The following L1CAM variants were observed in gnomAD, a reference collection of about 807,000 sequenced individuals.
L1CAM encodes the protein neural cell adhesion molecule L1.
Under a neutral mutation model 93.0 loss-of-function variants are expected in L1CAM, and 8 were observed. The ratio of observed to expected loss-of-function variants is 0.09; its 90% CI spans 0.05 to 0.16. The LOEUF is 0.16. Ranked by LOEUF, L1CAM falls within the 10% of genes least tolerant of loss-of-function variation. The pLI is 1.00. For synonymous variants in L1CAM, 453 were observed against 453.0 expected (o/e 1.00, Z 0.00); for missense variants, 777 against 1,073.4 (o/e 0.72, Z 3.86).
chrX:153,885,564 G>C (rs1482826519), intron 1 of L1CAM: 1 of 346,149 alleles, frequency 2.9e-6, no homozygotes, highest in East Asian at 1.1e-4. Context: ...TTGCAGGGGC[G>C]GCTTATCCCG....
chrX:153,871,232 C>T, intron 5 of L1CAM, 53 bp from the exon 6 acceptor site: 1 of 1,078,640 alleles, frequency 9.3e-7, no homozygotes, highest in Non-Finnish European at 1.3e-6. Flanking sequence ...TGGTGCTAGG[C>T]AGGAGAAGGG....
At chrX:153,865,954 G>T in intron 19 of L1CAM, 135 bp from the exon 20 acceptor site, 1 of 502,463 alleles carries the variant, frequency 2.0e-6, no homozygotes, top group Non-Finnish European at 3.6e-6. Flanking sequence ...AGGTGTGTTT[G>T]CATGGTCTCA....
At chrX:153,868,168 C>G (rs1254005904) in intron 14 of L1CAM, 46 bp from the exon 15 acceptor site, 1 of 1,203,113 alleles carries the variant, frequency 8.3e-7, no homozygotes, top group African/African-American at 1.8e-5. Flanking sequence ...GGGCTCTTCT[C>G]CCCTCCCATC....
chrX:153,866,327 AG>A (rs1336883178), intron 19 of L1CAM, among the ~76,000 whole-genome samples: 2 of 107,340 alleles, frequency 1.9e-5, no homozygotes, highest in Non-Finnish European at 1.9e-5. Context: ...AAAAAAAAAA[AG>A]AAAGAAAAGA....
chrX:153,864,711 G>T lies in L1CAM; in HGVS notation c.3047-7C>A, dbSNP rs199970055. 155 of 1,210,959 alleles carry T rather than the reference G, an allele frequency of 1.3e-4. No individual in the cohort carries two copies. The highest frequency in any genetic ancestry group is 4.5e-6 in the Non-Finnish European group (4 of 895,294). On this transcript the variant is annotated splice_region_variant and splice_polypyrimidine_tract_variant and intron_variant, in intron 23 of 28. Coordinates refer to ENST00000370060, the MANE Select transcript of L1CAM (RefSeq NM_001278116.2). Reference sequence around the variant, plus strand: ...TTGCCAAAATCTGAGATCCCTGGGGGGATGCAGGGGAACGAGGAGAGTGTG... The same window carrying T: ...TTGCCAAAATCTGAGATCCCTGGGGTGATGCAGGGGAACGAGGAGAGTGTG...
chrX:153,864,492 G>A lies in L1CAM; in HGVS notation c.3167-15C>T, dbSNP rs782614070. 8.3e-7 allele frequency: 1 copy of A among 1,209,993 alleles called. No individual in the cohort carries two copies. Among genetic ancestry groups the A allele is most frequent in the South Asian group, 1.8e-5 (1 of 56,842 alleles). ...ACCCTTCTCTTCTGCCAGGGAGAGA[G>A]GGTGGCAGCAGGGGTGAGTCGGAGT... is the stretch of plus-strand genomic sequence containing the variant. On this transcript the variant is annotated splice_polypyrimidine_tract_variant and intron_variant, in intron 24 of 28. Coordinates refer to ENST00000370060, the MANE Select transcript of L1CAM (RefSeq NM_001278116.2).
chrX:153,864,121 G>A, intron 25 of L1CAM, 104 bp from the exon 26 acceptor site: 1 of 1,123,230 alleles, frequency 8.9e-7, no homozygotes. Flanking sequence ...GGGCTAAGGA[G>A]TGACAGGGAC....
rs566850228 is a variant in L1CAM, at chrX:153,876,532, A to G, written c.-108-588T>C. 37 of 118,801 alleles carry G rather than the reference A, an allele frequency of 3.1e-4. 1 individual carries two copies. The South Asian group carries it at 0.011, about 37-fold the overall frequency. 9.8% of individuals were successfully genotyped at this position (118,801 alleles called of 1,213,427 possible). A position where few individuals can be genotyped will look rare whatever the true frequency, so the allele number is the denominator to read the frequency against. On this transcript the variant is annotated intron_variant, in intron 1 of 28. Coordinates refer to ENST00000370060, the MANE Select transcript of L1CAM (RefSeq NM_001278116.2). ...TCTCTGTGTGCACACACATGTAGAG[A>G]AGAATTCTTCTTGCAGTCACATTGC... is the stretch of plus-strand genomic sequence containing the variant.
Position 153,863,983 on chromosome X carries a change from A to G in L1CAM, c.3357T>C (p.Thr1119=). ...TCACAAAGCCGATGAACCAGCCCTC[A>G]GTGGCGAAGCCAGCAGGAGGGAGCC... The part of the protein sequence containing the change: ...RVRLPPAGFA[T]EGWFIGFVSA... Residue 1119 remains threonine (T), a synonymous_variant, in exon 26 of 29, where the codon ACT becomes ACC. Coordinates refer to ENST00000370060, the MANE Select transcript of L1CAM (RefSeq NM_001278116.2). 1 of 1,212,353 alleles carries G rather than the reference A, an allele frequency of 8.2e-7. No homozygotes were observed. Among genetic ancestry groups the G allele is most frequent in the Non-Finnish European group, 1.1e-6 (1 of 895,536 alleles).
chrX:153,869,202 T>C (rs1383731140), intron 11 of L1CAM: 2 of 446,779 alleles, frequency 4.5e-6, no homozygotes, highest in Non-Finnish European at 7.8e-6. Context: ...CAGTCACCTC[T>C]CCCCAGAAGC....
chrX:153,876,218 A>G, intron 1 of L1CAM: 1 of 405,201 alleles, frequency 2.5e-6, no homozygotes. Context: ...CTGCCTTCCC[A>G]GCACCAACTT....
Position 153,872,197 on chromosome X carries a change from T to C in L1CAM, c.355A>G (p.Lys119Glu). ...QGIYRCFASN[K>E]LGTAMSHEIR... The stretch of plus-strand genomic sequence containing the variant: ...TCATGGGACATGGCGGTGCCCAGCT[T>C]ATTGCTGGCAAAGCAGCGGTAGATG... Residue 119 changes from lysine to glutamate, a missense_variant, in exon 5 of 29, where the codon AAG (lysine) becomes GAG (glutamate). Lys to Glu is a moderately conservative substitution (Grantham distance 56). Transcript: ENST00000370060. 2 of 1,209,041 alleles carry C rather than the reference T, an allele frequency of 1.7e-6. No homozygotes were observed. The highest frequency in any genetic ancestry group is 2.2e-6 in the Non-Finnish European group (2 of 894,330).
At chrX:153,871,947 G>T (rs917837035) in intron 5 of L1CAM, among the ~76,000 whole-genome samples, 11 of 105,113 alleles carry the variant, frequency 1.0e-4, no homozygotes, top group African/African-American at 3.1e-4. Context: ...TGAGATGACC[G>T]GAAGTGCAAT....
chrX:153,871,665 C>T (rs2064771038), intron 5 of L1CAM, among the ~76,000 whole-genome samples: 1 of 110,945 alleles, frequency 9.0e-6, no homozygotes, highest in African/African-American at 3.3e-5. Context: ...AGGGAAAACC[C>T]CAGGGAAAAG....
intron 1 of L1CAM, chrX:153,883,888 G>A (rs2064861467): frequency 8.8e-6 from 3 of 341,500 alleles, no homozygotes; most frequent in South Asian, 7.8e-5. Flanking sequence ...AGGGAACTTG[G>A]TGATCAAGGT....
At chrX:153,866,267 C>T (rs1156697714) in intron 19 of L1CAM, among the ~76,000 whole-genome samples, 2 of 102,643 alleles carry the variant, frequency 1.9e-5, no homozygotes, top group African/African-American at 3.6e-5. Flanking sequence ...GAGCCAAGAC[C>T]GCTCCACTGC....
intron 5 of L1CAM, among the ~76,000 whole-genome samples, 198 bp downstream of exon 5, chrX:153,871,954 C>T (rs949393842): frequency 9.6e-6 from 1 of 104,607 alleles, no homozygotes; most frequent in African/African-American, 3.5e-5. Context: ...ACCGGAAGTG[C>T]AATGGAGACA....
chrX:153,862,068 G>A lies in L1CAM; in HGVS notation c.*595C>T, dbSNP rs1603273183. The A allele has an allele frequency of 1.8e-5, 2 of 113,057 alleles. No individual in the cohort carries two copies. The highest frequency in any genetic ancestry group is 7.4e-4 in the South Asian group (2 of 2,718). 9.3% of individuals were successfully genotyped at this position (113,057 alleles called of 1,213,427 possible). A position where few individuals can be genotyped will look rare whatever the true frequency, so the allele number is the denominator to read the frequency against. On this transcript the variant is annotated 3_prime_UTR_variant, in exon 29 of 29. Transcript: ENST00000370060. ...TGAAAGCCGGCCATGGGGTGGGCTG[G>A]GCGGCGGGAAGAGGCGGTGCTGCCA... is the stretch of plus-strand genomic sequence containing the variant.
At chrX:153,871,262 G>T in intron 5 of L1CAM, 83 bp from the exon 6 acceptor site, 1 of 839,310 alleles carries the variant, frequency 1.2e-6, no homozygotes, top group Non-Finnish European at 1.7e-6. Flanking sequence ...CAGGGGGGTG[G>T]CGGGCTACAC....
Sources: allele counts gnomAD v4.1 joint callset (sites outside exome capture counted in the v4.1 genomes callset), GRCh38; gene constraint gnomAD v4.1.1; transcripts MANE v1.5; gene names NCBI Gene and HGNC (gene_info 2026-07-23, HGNC 2026-07-21).